Variants in PLCG2 observed in about 807,000 individuals in gnomAD.
The protein encoded by PLCG2 is phospholipase C gamma 2.
Under a neutral mutation model 175.6 loss-of-function variants are expected in PLCG2, and 69 were observed. The ratio of observed to expected loss-of-function variants is 0.39; its 90% confidence interval spans 0.32 to 0.48. The LOEUF is 0.48. Ranked by LOEUF, PLCG2 falls within the 20% of genes least tolerant of loss-of-function variation. The pLI is 0.91. For missense variants in PLCG2, 1,798 were observed against 1,650.9 expected, an observed-to-expected ratio of 1.09 and a Z score of -1.54; for synonymous variants, 827 against 624.0, an observed-to-expected ratio of 1.33 and a Z score of -4.85.
intron 1 of PLCG2, among the ~76,000 whole-genome samples, chr16:81,753,342 GTTT>G (rs34438350): frequency 1.5e-4 from 14 of 91,114 alleles, no homozygotes; most frequent in Admixed American, 6.7e-4. Flanking sequence ...GTCCTGGCAG[GTTT>G]TTTTTTTTTT....
chr16:81,950,570 AC>A (rs1433488404), intron 31 of PLCG2, among the ~76,000 whole-genome samples: 1 of 152,238 alleles, frequency 6.6e-6, no homozygotes, highest in Non-Finnish European at 1.5e-5. Context: ...TGGATAACAT[AC>A]ACTATTTTCT....
chr16:81,892,931 G>A (rs926902107), intron 11 of PLCG2, among the ~76,000 whole-genome samples: 2 of 149,886 alleles, frequency 1.3e-5, no homozygotes, highest in African/African-American at 4.9e-5. Flanking sequence ...CACAACCTCC[G>A]CTTTCCCGGT....
chr16:81,894,601 G>A (rs1278229109), intron 12 of PLCG2, among the ~76,000 whole-genome samples: 1 of 152,140 alleles, frequency 6.6e-6, no homozygotes, highest in African/African-American at 2.4e-5. Flanking sequence ...AGCTTGTCGT[G>A]GTGTCTCATG....
chr16:81,889,265 G>C lies in PLCG2; in HGVS notation c.859G>C (p.Val287Leu). Residue 287 changes from valine (V) to leucine (L), a missense_variant, in exon 10 of 33, where the codon GTG becomes CTG. Transcript: ENST00000564138. ...TGAAACTGCTGAGCCTTTCTTGTTT[G>C]TGGATGAGGTGAGTAGGCTGGGCTT... ...MRETAEPFLF[V>L]DEFLTYLFSR... The C allele has an allele frequency of 6.3e-7, 1 of 1,583,732 alleles. No individual in the cohort carries two copies. The highest frequency in any genetic ancestry group is 1.1e-5 in the South Asian group (1 of 88,328).
chr16:81,930,959 A>G (rs1322122504), intron 24 of PLCG2, among the ~76,000 whole-genome samples: 1 of 152,164 alleles, frequency 6.6e-6, no homozygotes, highest in African/African-American at 2.4e-5. Context: ...ATTTGTAAAA[A>G]ATATTTATGA....
Position 81,962,610 on chromosome 16 carries a change from A to G in PLCG2, c.*4612A>G. 1 of 223,428 alleles carries G rather than the reference A, an allele frequency of 4.5e-6. No homozygotes were observed. Among genetic ancestry groups the G allele is most frequent in the East Asian group, 6.5e-5 (1 of 15,296 alleles). 13.8% of individuals were successfully genotyped at this position (223,428 alleles called of 1,614,324 possible). ...AGAGAATTAAGTGAATGAGTCACAC[A>G]GATGTTGGCTGTTGTTAATGTGAAA... On this transcript the variant is annotated 3_prime_UTR_variant, in exon 33 of 33. Coordinates refer to ENST00000564138, the MANE Select transcript of PLCG2 (RefSeq NM_002661.5).
chr16:81,805,933 C>T (rs762488906), intron 2 of PLCG2, among the ~76,000 whole-genome samples: 17 of 151,914 alleles, frequency 1.1e-4, no homozygotes, highest in East Asian at 3.9e-4. Flanking sequence ...AGCCACTGTA[C>T]GCAGTCATGT....
chr16:81,941,954 C>G (rs1172360286), intron 30 of PLCG2, among the ~76,000 whole-genome samples: 1 of 152,172 alleles, frequency 6.6e-6, no homozygotes, highest in Non-Finnish European at 1.5e-5. Flanking sequence ...CGGCACTGAT[C>G]AGGGCTGTGA....
chr16:81,905,580 G>T, intron 15 of PLCG2, 73 bp downstream of exon 15: 1 of 951,308 alleles, frequency 1.1e-6, no homozygotes, highest in South Asian at 1.3e-5. Context: ...CCTGCTGGGA[G>T]CTCTGAGAAT....
chr16:81,851,017 G>T (rs1906379469), intron 2 of PLCG2, among the ~76,000 whole-genome samples: 1 of 152,152 alleles, frequency 6.6e-6, no homozygotes, highest in Admixed American at 6.5e-5. Context: ...GGTCCCCCCA[G>T]CCAGCTTGTA....
chr16:81,922,728 A>T (rs544879129), intron 21 of PLCG2, among the ~76,000 whole-genome samples: 19 of 152,098 alleles, frequency 1.2e-4, no homozygotes, highest in Non-Finnish European at 2.4e-4. Flanking sequence ...GTGGGAGGAG[A>T]AGGAAGCTGC....
intron 20 of PLCG2, 107 bp downstream of exon 20, chr16:81,919,771 C>T: frequency 1.2e-6 from 1 of 842,048 alleles, no homozygotes; most frequent in South Asian, 1.7e-5. Context: ...GTATCTGATA[C>T]TGCTGTAGGT....
At chr16:81,923,734 T>C in intron 22 of PLCG2, 140 bp downstream of exon 22, 1 of 567,362 alleles carries the variant, frequency 1.8e-6, no homozygotes, top group East Asian at 2.8e-5. Flanking sequence ...AGTCCCTTCT[T>C]AGGAAGGTGG....
At chr16:81,787,438 G>T (rs551368294) in intron 2 of PLCG2, among the ~76,000 whole-genome samples, 1 of 119,150 alleles carries the variant, frequency 8.4e-6, no homozygotes, top group Non-Finnish European at 1.6e-5. Context: ...ACTATGTCCA[G>T]GCTTGTCTCC....
At chr16:81,835,081 G>A (rs1221655486) in intron 2 of PLCG2, among the ~76,000 whole-genome samples, 3 of 152,050 alleles carry the variant, frequency 2.0e-5, no homozygotes, top group African/African-American at 7.2e-5. Context: ...GGCCTTCCAG[G>A]TGCCACTTAC....
chr16:81,740,724 C>CAAAAAAA (rs746287603), intron 1 of PLCG2: 5 of 27,938 alleles, frequency 1.8e-4, no homozygotes, highest in African/African-American at 2.9e-4. Flanking sequence ...GACTCCATCT[C>CAAAAAAA]AAAAAAAAAA....
intron 12 of PLCG2, among the ~76,000 whole-genome samples, 167 bp downstream of exon 12, chr16:81,893,961 C>CT (rs74264894): frequency 0.051 from 6,895 of 134,546 alleles, 451 homozygotes; most frequent in African/African-American, 0.15. Context: ...TTTTTTCTTT[C>CT]TTTTTTTTTT....
chr16:81,939,787 T>C, intron 29 of PLCG2, 105 bp from the exon 30 acceptor site: 1 of 730,982 alleles, frequency 1.4e-6, no homozygotes, highest in Non-Finnish European at 2.4e-6. Flanking sequence ...TGCATATTTA[T>C]TTACATGGTT....
rs559965531 is a variant in PLCG2, at chr16:81,754,030, C to T, written c.-144-1840C>T. Reference sequence around the variant, plus strand: ...TGGCCTGGCCGCCATCACAGGCCCACCCCCGGGGAGAAGATTCTAGGAGGA... The same window carrying T: ...TGGCCTGGCCGCCATCACAGGCCCATCCCCGGGGAGAAGATTCTAGGAGGA... On this transcript the variant is annotated intron_variant, in intron 1 of 5. Coordinates refer to the PLCG2 transcript ENST00000565054. Among the ~76,000 whole-genome samples, 3 of 152,198 alleles carry T rather than the reference C, an allele frequency of 2.0e-5. No homozygotes were observed. In the East Asian group the frequency reaches 5.8e-4, roughly 30 times the overall value.
Sources: allele counts gnomAD v4.1 joint callset (sites outside exome capture counted in the v4.1 genomes callset), GRCh38; gene constraint gnomAD v4.1.1; transcripts MANE v1.5; gene names NCBI Gene and HGNC (gene_info 2026-07-23, HGNC 2026-07-21).